DCLK2: variants seen among roughly 807,000 people sequenced by gnomAD.
The protein encoded by DCLK2 is serine/threonine-protein kinase DCLK2.
In DCLK2, 31 loss-of-function variants were observed where a neutral mutation model predicts 78.4. The observed-to-expected ratio is 0.40, with a 90% CI of 0.30 to 0.53. The LOEUF is 0.53. Ranked by LOEUF, DCLK2 falls within the 20% of genes least tolerant of loss-of-function variation. DCLK2 has a pLI of 0.61. For synonymous variants in DCLK2, 407 were observed against 374.9 expected (o/e 1.09, Z -0.99); for missense variants, 872 against 973.7 (o/e 0.90, Z 1.39).
chr4:150,140,219 T>C (rs1033896195), intron 2 of DCLK2, among the ~76,000 whole-genome samples: 8 of 152,238 alleles, frequency 5.3e-5, no homozygotes, highest in Non-Finnish European at 1.0e-4. Context: ...AGGTGATTTG[T>C]TAGCTTATCT....
intron 2 of DCLK2, among the ~76,000 whole-genome samples, chr4:150,129,968 A>G (rs1733184386): frequency 6.6e-6 from 1 of 152,090 alleles, no homozygotes; most frequent in African/African-American, 2.4e-5. Context: ...TGGTGACATT[A>G]TATTGTATAA....
rs944961788 is a variant in DCLK2, at chr4:150,092,729, G to A, written c.422-9749G>A. Among the ~76,000 whole-genome samples, 7 of 152,108 alleles carry A rather than the reference G, an allele frequency of 4.6e-5. No homozygotes were observed. In the East Asian group the frequency reaches 5.8e-4, roughly 13 times the overall value. ...AATAGATGCAGAATGCAGAAAAAGC[G>A]TTTGATAAAATTCAACATGTTTTCA... On this transcript the variant is annotated intron_variant, in intron 1 of 15. Coordinates refer to ENST00000296550, the MANE Select transcript of DCLK2 (RefSeq NM_001040260.4).
chr4:150,139,190 G>T (rs1560804585), intron 2 of DCLK2, among the ~76,000 whole-genome samples: 1 of 152,094 alleles, frequency 6.6e-6, no homozygotes, highest in Non-Finnish European at 1.5e-5. Flanking sequence ...TTAAATGTGA[G>T]AATTATTTTA....
At chr4:150,091,767 TTATGTGTGTG>T (rs148737703) in intron 1 of DCLK2, among the ~76,000 whole-genome samples, 1,483 of 133,708 alleles carry the variant, frequency 0.011, 14 homozygotes, top group African/African-American at 0.025. Context: ...AAAGGAACAT[TTATGTGTGTG>T]TGTGTGTGTG....
At chr4:150,141,166 A>G (rs1014877043) in intron 2 of DCLK2, among the ~76,000 whole-genome samples, 1 of 152,214 alleles carries the variant, frequency 6.6e-6, no homozygotes, top group African/African-American at 2.4e-5. Context: ...ACACTAGGCA[A>G]TATGTCAGTA....
intron 8 of DCLK2, among the ~76,000 whole-genome samples, chr4:150,227,167 A>G (rs778650632): frequency 1.3e-5 from 2 of 152,214 alleles, no homozygotes; most frequent in Non-Finnish European, 2.9e-5. Flanking sequence ...CACAGCCTGT[A>G]CATTGGCTGA....
intron 15 of DCLK2, among the ~76,000 whole-genome samples, chr4:150,254,152 G>A (rs552517392): frequency 6.5e-4 from 99 of 152,320 alleles, no homozygotes; most frequent in African/African-American, 2.4e-3. Flanking sequence ...AGACCATCTT[G>A]TGGTGGGAAG....
At chr4:150,118,716 T>TG (rs1732288958) in intron 2 of DCLK2, among the ~76,000 whole-genome samples, 1 of 152,252 alleles carries the variant, frequency 6.6e-6, no homozygotes, top group Admixed American at 6.5e-5. Context: ...ACAATTTTGT[T>TG]GGCCAGGCAC....
At chr4:150,252,180 C>T (rs867098121) in intron 15 of DCLK2, among the ~76,000 whole-genome samples, 5 of 152,208 alleles carry the variant, frequency 3.3e-5, no homozygotes, top group Admixed American at 6.5e-5. Context: ...ATGTTTCCAG[C>T]GATTCCCTTG....
intron 2 of DCLK2, among the ~76,000 whole-genome samples, chr4:150,146,358 G>C (rs765428840): frequency 3.3e-5 from 5 of 152,168 alleles, no homozygotes; most frequent in Non-Finnish European, 7.3e-5. Flanking sequence ...AAAGTCCTCA[G>C]CTATTTGTAT....
intron 1 of DCLK2, 131 bp from the exon 2 acceptor site, chr4:150,102,347 G>T (rs1046923429): frequency 1.2e-5 from 9 of 782,170 alleles, no homozygotes; most frequent in Non-Finnish European, 1.8e-5. Context: ...AAGGAAAAGG[G>T]TGAACATCCC....
At chr4:150,178,736 T>C (rs1223538378) in intron 2 of DCLK2, among the ~76,000 whole-genome samples, 3 of 152,182 alleles carry the variant, frequency 2.0e-5, no homozygotes, top group African/African-American at 7.2e-5. Context: ...AGAGAGAACT[T>C]TGTCATTCGG....
At chr4:150,155,083 T>A (rs1190030167) in intron 2 of DCLK2, among the ~76,000 whole-genome samples, 2 of 151,920 alleles carry the variant, frequency 1.3e-5, no homozygotes, top group Non-Finnish European at 2.9e-5. Context: ...ATAAAAAAAA[T>A]TAGCTGGGTG....
chr4:150,250,782 T>A (rs1743736839), intron 15 of DCLK2, among the ~76,000 whole-genome samples: 1 of 151,280 alleles, frequency 6.6e-6, no homozygotes, highest in Admixed American at 6.6e-5. Flanking sequence ...GGTACATGGT[T>A]GTCTGAGAGC....
intron 2 of DCLK2, among the ~76,000 whole-genome samples, chr4:150,131,251 C>T (rs753510338): frequency 6.6e-6 from 1 of 152,042 alleles, no homozygotes; most frequent in Non-Finnish European, 1.5e-5. Context: ...GAAAAAAAGC[C>T]TAGTACATTT....
chr4:150,252,372 C>G (rs369593436), intron 15 of DCLK2, among the ~76,000 whole-genome samples: 1 of 152,218 alleles, frequency 6.6e-6, no homozygotes, highest in East Asian at 1.9e-4. Context: ...CATGTTAAGT[C>G]TTCTGAGAGG....
rs746342475 is a variant in DCLK2 at position 150,102,562 on chromosome 4, T to C, written c.506T>C (p.Ile169Thr). ...KNINPNWSVNIKGGTSRALAA... is the reference protein window; with the variant it reads ...KNINPNWSVNTKGGTSRALAA... ...ATTAATCCAAACTGGTCTGTGAACA[T>C]CAAGGGTGGGACATCCCGAGCGCTG... Residue 169 changes from isoleucine (I) to threonine (T), a missense_variant, in exon 2 of 16, where the codon ATC becomes ACC. Physicochemically the swap from Ile to Thr is moderately conservative, Grantham distance 89. This residue lies in a region of DCLK2 where 567 missense variants were observed against 593.4 expected (regional missense o/e 0.96). Transcript: ENST00000296550. The C allele has an allele frequency of 1.9e-6, 3 of 1,614,190 alleles. No homozygotes were observed. Among genetic ancestry groups the C allele is most frequent in the Non-Finnish European group, 2.5e-6 (3 of 1,180,026 alleles).
At chr4:150,242,590 G>C (rs757647428) in intron 12 of DCLK2, among the ~76,000 whole-genome samples, 15 of 152,150 alleles carry the variant, frequency 9.9e-5, no homozygotes, top group Non-Finnish European at 2.1e-4. Flanking sequence ...CACCTGGTAG[G>C]TGGCTCAGTG....
chr4:150,159,977 G>C (rs986837912), intron 2 of DCLK2, among the ~76,000 whole-genome samples: 97 of 150,492 alleles, frequency 6.4e-4, no homozygotes, highest in African/African-American at 2.3e-3. Flanking sequence ...TTTGTTTGCA[G>C]ACCCTCTTTG....
Sources: allele counts gnomAD v4.1 joint callset (sites outside exome capture counted in the v4.1 genomes callset), GRCh38; gene constraint gnomAD v4.1.1; regional missense constraint gnomAD v4.1.1; transcripts MANE v1.5; gene names NCBI Gene and HGNC (gene_info 2026-07-23, HGNC 2026-07-21).